Variants in WWC1 observed in about 807,000 individuals in gnomAD.
WWC1 encodes protein KIBRA.
A neutral mutation model predicts 138.4 loss-of-function variants in WWC1; 55 were observed. The ratio of observed to expected loss-of-function variants is 0.40; its 90% CI spans 0.32 to 0.50. WWC1 has a LOEUF of 0.50. WWC1 is among the 20% of genes least tolerant of loss of function. WWC1 has a pLI of 0.72. For missense variants in WWC1, 1,226 were observed against 1,420.4 expected (o/e 0.86, Z 2.20); for synonymous variants, 524 against 564.9 (o/e 0.93, Z 1.03).
intron 1 of WWC1, among the ~76,000 whole-genome samples, chr5:168,346,286 A>G (rs924405842): frequency 6.6e-6 from 1 of 152,200 alleles, no homozygotes; most frequent in Non-Finnish European, 1.5e-5. Flanking sequence ...TACTTAGGAA[A>G]GCAGGGAGCA....
chr5:168,329,466 AT>A (rs1772846900), intron 1 of WWC1, among the ~76,000 whole-genome samples: 1 of 151,228 alleles, frequency 6.6e-6, no homozygotes, highest in Non-Finnish European at 1.5e-5. Context: ...ACCAGTGTAA[AT>A]GTTTACTTTT....
At chr5:168,422,563 C>T (rs1016326727) in intron 10 of WWC1, among the ~76,000 whole-genome samples, 1 of 151,824 alleles carries the variant, frequency 6.6e-6, no homozygotes, top group Non-Finnish European at 1.5e-5. Context: ...TACCGTGAGC[C>T]GAGATTGTGC....
chr5:168,354,302 C>T (rs1329517863), intron 1 of WWC1, among the ~76,000 whole-genome samples: 1 of 152,154 alleles, frequency 6.6e-6, no homozygotes, highest in Non-Finnish European at 1.5e-5. Context: ...CCGCCCCCCT[C>T]GGCCTCCCAA....
At chr5:168,330,506 A>G (rs945430083) in intron 1 of WWC1, among the ~76,000 whole-genome samples, 1 of 152,172 alleles carries the variant, frequency 6.6e-6, no homozygotes, top group Non-Finnish European at 1.5e-5. Flanking sequence ...AACACTGTCA[A>G]TTGTTCTTGA....
chr5:168,426,223 A>T (rs551172037), intron 11 of WWC1, among the ~76,000 whole-genome samples: 3 of 152,314 alleles, frequency 2.0e-5, no homozygotes, highest in African/African-American at 7.2e-5. Context: ...TGCTCTCAAA[A>T]TAAAAGCAAG....
At chr5:168,398,784 G>C (rs564394597) in intron 4 of WWC1, among the ~76,000 whole-genome samples, 3 of 152,162 alleles carry the variant, frequency 2.0e-5, no homozygotes, top group African/African-American at 4.8e-5. Flanking sequence ...TGTGTAACCA[G>C]GAGAGGTCTG....
chr5:168,295,797 A>G (rs1487975147), intron 1 of WWC1, among the ~76,000 whole-genome samples: 2 of 152,286 alleles, frequency 1.3e-5, no homozygotes, highest in East Asian at 3.9e-4. Flanking sequence ...AGAGCAGCCA[A>G]GCAGCCAGCC....
chr5:168,295,815 C>CT (rs1769488791), intron 1 of WWC1, among the ~76,000 whole-genome samples: 2 of 152,154 alleles, frequency 1.3e-5, no homozygotes. Flanking sequence ...GCCTTGCCAA[C>CT]TCTCTCCCCT....
intron 1 of WWC1, among the ~76,000 whole-genome samples, chr5:168,341,988 A>C (rs1774072835): frequency 1.3e-5 from 2 of 152,166 alleles, no homozygotes; most frequent in Admixed American, 6.5e-5. Flanking sequence ...CGGTACCCAG[A>C]GTGAAGCCTG....
At chr5:168,350,009 C>T (rs893052643) in intron 1 of WWC1, among the ~76,000 whole-genome samples, 1 of 152,202 alleles carries the variant, frequency 6.6e-6, no homozygotes, top group African/African-American at 2.4e-5. Context: ...CACCTCCCAG[C>T]TCCAGGTCAT....
In WWC1 at chr5:168,441,722, G is replaced by C. The variant is rs1373755014; in HGVS notation, c.2321G>C (p.Gly774Ala). ...AGCCTGGCGGAGGTCTGCCGGTCTG[G>C]GGAGAGGTCGACTCGCTGGTACAAC... ...QISLAEVCRSGERSTRWYNLL... is the reference protein window; with the variant it reads ...QISLAEVCRSAERSTRWYNLL... The change falls in exon 16 of 23, where the codon GGG (glycine) becomes GCG (alanine). Residue 774 changes from glycine (G) to alanine (A), a missense_variant. By Grantham distance (60) the Gly-to-Ala change is moderately conservative. Coordinates refer to ENST00000265293, the MANE Select transcript of WWC1 (RefSeq NM_015238.3). 1 of 1,614,050 alleles carries C rather than the reference G, an allele frequency of 6.2e-7. No homozygotes were observed. The highest frequency in any genetic ancestry group is 8.5e-7 in the Non-Finnish European group (1 of 1,180,036).
At chr5:168,414,864 A>C in intron 9 of WWC1, 1 of 436,222 alleles carries the variant, frequency 2.3e-6, no homozygotes, top group Non-Finnish European at 3.9e-6. Context: ...TGACTCAATT[A>C]AGCCACATAA....
At chr5:168,320,006 T>C (rs1052318493) in intron 1 of WWC1, among the ~76,000 whole-genome samples, 4 of 151,926 alleles carry the variant, frequency 2.6e-5, no homozygotes, top group Non-Finnish European at 4.4e-5. Flanking sequence ...TCCCTAGTGA[T>C]GAGTGATGTT....
At chr5:168,365,700 T>G (rs1776238101) in intron 1 of WWC1, among the ~76,000 whole-genome samples, 2 of 152,174 alleles carry the variant, frequency 1.3e-5, no homozygotes, top group Non-Finnish European at 2.9e-5. Flanking sequence ...GTGTGCTGTT[T>G]GTAGGGTGCT....
chr5:168,452,842 T>G (rs528330967), intron 17 of WWC1, among the ~76,000 whole-genome samples: 3 of 152,256 alleles, frequency 2.0e-5, no homozygotes, highest in African/African-American at 7.2e-5. Context: ...TTCCAACGTT[T>G]GGAAGCCCTA....
intron 1 of WWC1, among the ~76,000 whole-genome samples, chr5:168,342,939 A>G (rs531075014): frequency 6.6e-6 from 1 of 152,174 alleles, no homozygotes; most frequent in South Asian, 2.1e-4. Flanking sequence ...GGCACTAGGC[A>G]GGGAGCAAGG....
chr5:168,323,875 C>T (rs1427240085), intron 1 of WWC1, among the ~76,000 whole-genome samples: 1 of 152,088 alleles, frequency 6.6e-6, no homozygotes, highest in African/African-American at 2.4e-5. Context: ...TTAAAATCAT[C>T]AGGGAATAAC....
chr5:168,297,484 G>A (rs1769641637), intron 1 of WWC1, among the ~76,000 whole-genome samples: 1 of 152,124 alleles, frequency 6.6e-6, no homozygotes, highest in Non-Finnish European at 1.5e-5. Flanking sequence ...AAATTAGCCA[G>A]GCATGGCGGT....
At chr5:168,355,987 T>A (rs79521422) in intron 1 of WWC1, among the ~76,000 whole-genome samples, 2,734 of 152,058 alleles carry the variant, frequency 0.018, 87 homozygotes, top group African/African-American at 0.062. Flanking sequence ...GGGGCTGTGA[T>A]GAGAACAAGC....
Sources: gnomAD v4.1 joint callset for allele counts (sites outside exome capture counted in the v4.1 genomes callset) on GRCh38, gnomAD v4.1.1 for gene constraint, MANE v1.5 for transcripts, NCBI Gene and HGNC (gene_info 2026-07-23, HGNC 2026-07-21) for gene names.